Variants in KIAA0319L observed in about 807,000 individuals in gnomAD.
KIAA0319L encodes dyslexia-associated protein KIAA0319-like protein.
KIAA0319L carries 55 observed loss-of-function variants against 120.1 expected under a neutral mutation model. That is an observed-to-expected ratio of 0.46 (90% confidence interval 0.37 to 0.57). The LOEUF (loss-of-function observed/expected upper bound fraction) is 0.57. Ranked by LOEUF, KIAA0319L falls within the 20% of genes least tolerant of loss-of-function variation. KIAA0319L has a pLI of 0.00. For synonymous variants in KIAA0319L, 398 were observed against 471.9 expected, an observed-to-expected ratio of 0.84 and a Z score of 2.03; for missense variants, 1,049 against 1,255.3, an observed-to-expected ratio of 0.84 and a Z score of 2.48.
chr1:35,483,540 T>C (rs1412073066), intron 3 of KIAA0319L, among the ~76,000 whole-genome samples: 2 of 152,206 alleles, frequency 1.3e-5, no homozygotes, highest in Non-Finnish European at 2.9e-5. Context: ...ACCATATAGG[T>C]GTGGGTCTAT....
intron 2 of KIAA0319L, among the ~76,000 whole-genome samples, chr1:35,550,332 T>G (rs552302936): frequency 1.3e-5 from 2 of 152,310 alleles, no homozygotes; most frequent in South Asian, 4.1e-4. Flanking sequence ...ACAGCAGGAA[T>G]CAAGAATGTA....
At position 35,506,659 on chromosome 1, in the gene KIAA0319L, T is replaced by C. The variant is rs1460561349; in HGVS notation, c.619A>G (p.Asn207Asp). The change falls in exon 3 of 21, where the codon AAT becomes GAT. Residue 207 changes from asparagine (N) to aspartate (D), a missense_variant. Physicochemically the swap from Asn to Asp is conservative, Grantham distance 23 (BLOSUM62 1). Transcript: ENST00000325722. This position sits in a 1 kb window ranked among gnomAD's most constrained non-coding sequence, Gnocchi z 4.0. The part of the protein sequence containing the change: ...TPIVTQHSKV[N>D]DSNELGGLTT... The stretch of plus-strand genomic sequence containing the variant: ...AGACCACCTAATTCGTTGGAGTCAT[T>C]CACTTTAGAATGCTGTGTCACTATA... The C allele has an allele frequency of 6.2e-7, 1 of 1,614,168 alleles. No individual in the cohort carries two copies. Among genetic ancestry groups the C allele is most frequent in the South Asian group, 1.1e-5 (1 of 91,082 alleles).
In KIAA0319L at chr1:35,437,688, T is replaced by G. The variant is rs919149304; in HGVS notation, c.2963-2607A>C. 1.3e-5 allele frequency among the ~76,000 whole-genome samples: 2 copies of G among 152,244 alleles called. No individual in the cohort carries two copies. The highest frequency in any genetic ancestry group is 4.8e-5 in the African/African-American group (2 of 41,536). ...GACGGCTGTCCCCTAATGAATCCCC[T>G]CCTCCCTCCTGGATGGTCATTCTTG... On this transcript the variant is annotated intron_variant, in intron 20 of 20. Coordinates refer to ENST00000325722, the MANE Select transcript of KIAA0319L (RefSeq NM_024874.5). This position sits in a 1 kb window ranked among gnomAD's most constrained non-coding sequence, Gnocchi z 4.1.
chr1:35,472,284 G>A (rs12039012), intron 5 of KIAA0319L, among the ~76,000 whole-genome samples: 4,077 of 152,196 alleles, frequency 0.027, 223 homozygotes, highest in East Asian at 0.25. Context: ...ACAGTCGTTC[G>A]TTTGTTCTAT....
Position 35,537,399 on chromosome 1 carries a change from T to TTA in KIAA0319L, c.142+16950_142+16951insTA, listed in dbSNP as rs1646618753. Among the ~76,000 whole-genome samples, 7 of 151,348 alleles carry TTA rather than the reference T, an allele frequency of 4.6e-5. 1 individual carries two copies. In the South Asian group the frequency reaches 1.5e-3, roughly 32 times the overall value. ...CCTTTCCTTTCCTTTTTTTTTTTTT[T>TTA]TTTCTGGCTTGTTTTGTTGTTTTTA... On this transcript the variant is annotated intron_variant, in intron 2 of 20. Transcript: ENST00000325722.
At chr1:35,446,071 G>A (rs566657471) in intron 16 of KIAA0319L, among the ~76,000 whole-genome samples, 1 of 152,288 alleles carries the variant, frequency 6.6e-6, no homozygotes, top group African/African-American at 2.4e-5. Flanking sequence ...CCTGACTGTA[G>A]ATTAAATTCA....
chr1:35,450,429 A>C lies in KIAA0319L; in HGVS notation c.2143T>G (p.Ser715Ala), dbSNP rs1330352747. 6.2e-7 allele frequency: 1 copy of C among 1,614,080 alleles called. No individual in the cohort carries two copies. ...ATTCCCTTGTCATCTGAGGACTTAG[A>C]GCCATCCAGCTCTGCTGTGCTCGTG... ...LPTSTAELDG[S>A]KSSDDKGIVS... Residue 715 changes from serine (S) to alanine (A), a missense_variant, in exon 14 of 21, where the codon TCT becomes GCT. By Grantham distance (99) the Ser-to-Ala change is moderately conservative. Coordinates refer to ENST00000325722, the MANE Select transcript of KIAA0319L (RefSeq NM_024874.5).
intron 6 of KIAA0319L, among the ~76,000 whole-genome samples, chr1:35,468,818 G>A (rs566588552): frequency 6.6e-6 from 1 of 152,256 alleles, no homozygotes; most frequent in African/African-American, 2.4e-5. Flanking sequence ...TAAAGGCATG[G>A]CCTTTAGAGA....
At chr1:35,499,322 G>A (rs987299897) in intron 3 of KIAA0319L, among the ~76,000 whole-genome samples, 15 of 152,174 alleles carry the variant, frequency 9.9e-5, no homozygotes, top group African/African-American at 3.6e-4. Context: ...AAGGTAATTA[G>A]GTCATGAAGT....
chr1:35,478,582 T>C (rs1340002419), intron 4 of KIAA0319L, among the ~76,000 whole-genome samples: 1 of 152,050 alleles, frequency 6.6e-6, no homozygotes, highest in Non-Finnish European at 1.5e-5. Context: ...TAAAAATAAA[T>C]AAAAATTAAA....
At chr1:35,545,856 C>T (rs1646962500) in intron 2 of KIAA0319L, among the ~76,000 whole-genome samples, 1 of 152,056 alleles carries the variant, frequency 6.6e-6, no homozygotes, top group Admixed American at 6.6e-5. Context: ...GATTGTGCCA[C>T]TGTACTCCAG....
In KIAA0319L at chr1:35,527,425, TAGAG is replaced by T. The variant is rs1313147090; in HGVS notation, c.143-20294_143-20291del. Reference sequence around the variant, plus strand: ...TAGAATTATGAAGAATTCTATGAATTAGAGAGAGTTTCTGCGTCTTCTATTTCTT... The same window carrying T: ...TAGAATTATGAAGAATTCTATGAATTAGAGTTTCTGCGTCTTCTATTTCTT... On this transcript the variant is annotated intron_variant, in intron 2 of 20. Transcript: ENST00000325722. Among the ~76,000 whole-genome samples the T allele has an allele frequency of 3.3e-5, 5 of 152,268 alleles. No individual in the cohort carries two copies. In the South Asian group the frequency reaches 8.3e-4, roughly 25 times the overall value.
At chr1:35,521,599 A>G (rs1367065743) in intron 2 of KIAA0319L, among the ~76,000 whole-genome samples, 1 of 150,536 alleles carries the variant, frequency 6.6e-6, no homozygotes, top group African/African-American at 2.4e-5. Flanking sequence ...GCGCCACTGC[A>G]CTCCAGCCTG....
intron 2 of KIAA0319L, among the ~76,000 whole-genome samples, chr1:35,551,466 T>A (rs1647197111): frequency 6.6e-6 from 1 of 152,106 alleles, no homozygotes; most frequent in African/African-American, 2.4e-5. Context: ...TACATGTGCA[T>A]GCCATCACGC....
chr1:35,439,478 T>C lies in KIAA0319L; in HGVS notation c.2962+1569A>G, dbSNP rs370767955. The C allele has an allele frequency of 2.6e-5, 4 of 152,212 alleles. No homozygotes were observed. The East Asian group carries it at 7.7e-4, about 29-fold the overall frequency. The allele number at this position is 152,212 out of a possible 1,614,324, so 9.4% of individuals were successfully genotyped here. On this transcript the variant is annotated intron_variant, in intron 20 of 20. Coordinates refer to ENST00000325722, the MANE Select transcript of KIAA0319L (RefSeq NM_024874.5). ...TGGCACATAGTGGTCCCGCTCCATATCCACAGATGAATGAGACAGCCCCTG... is the reference window on the plus strand; with the variant it reads ...TGGCACATAGTGGTCCCGCTCCATACCCACAGATGAATGAGACAGCCCCTG...
intron 2 of KIAA0319L, among the ~76,000 whole-genome samples, chr1:35,542,276 T>C (rs1646822938): frequency 6.6e-6 from 1 of 152,228 alleles, no homozygotes; most frequent in Non-Finnish European, 1.5e-5. Context: ...CATTTCCATT[T>C]TATAGATGAA....
Position 35,453,639 on chromosome 1 carries a change from G to T in KIAA0319L, c.1831C>A (p.Leu611Ile). 1.2e-6 allele frequency: 2 copies of T among 1,613,976 alleles called. No homozygotes were observed. The highest frequency in any genetic ancestry group is 1.7e-6 in the Non-Finnish European group (2 of 1,179,890). Residue 611 changes from leucine to isoleucine, a missense_variant, in exon 12 of 21, where the codon CTT becomes ATT. By Grantham distance (5) the Leu-to-Ile change is conservative. Transcript: ENST00000325722. This position sits in a 1 kb window ranked among gnomAD's most constrained non-coding sequence, Gnocchi z 4.1. ...TCCAGGGTTGTGCTATCCACAGGAA[G>T]GGTCAGCTCTTTATCTGGGCCTGCA... Reference protein sequence around the residue: ...ADAGPDKELTLPVDSTTLDGS... With the variant: ...ADAGPDKELTIPVDSTTLDGS...
intron 3 of KIAA0319L, among the ~76,000 whole-genome samples, chr1:35,481,398 A>G (rs1015824831): frequency 2.0e-5 from 3 of 152,238 alleles, no homozygotes; most frequent in African/African-American, 7.2e-5. Flanking sequence ...TATTTCTACC[A>G]GCAACATACG....
intron 10 of KIAA0319L, chr1:35,454,687 A>C (rs1218879965): frequency 1.4e-5 from 18 of 1,317,828 alleles, no homozygotes; most frequent in Non-Finnish European, 1.7e-5. Flanking sequence ...CTTCAAGGAA[A>C]CAACCCTCTC....
Sources: allele counts gnomAD v4.1 joint callset (sites outside exome capture counted in the v4.1 genomes callset), GRCh38; gene constraint gnomAD v4.1.1; non-coding constraint Gnocchi (gnomAD v3.1); transcripts MANE v1.5; gene names NCBI Gene and HGNC (gene_info 2026-07-23, HGNC 2026-07-21).